PCCA: variants seen among roughly 807,000 people sequenced by gnomAD.
PCCA encodes propionyl-CoA carboxylase subunit alpha.
PCCA carries 74 observed loss-of-function variants against 101.3 expected under a neutral mutation model. The ratio of observed to expected loss-of-function variants is 0.73; its 90% CI spans 0.61 to 0.89. The LOEUF is 0.89. Among genes scored for constraint, PCCA ranks in the 40% least tolerant of loss-of-function variants. PCCA has a pLI of 0.00. For missense variants in PCCA, 891 were observed against 907.0 expected, an observed-to-expected ratio of 0.98 and a Z score of 0.23; for synonymous variants, 294 against 313.6, an observed-to-expected ratio of 0.94 and a Z score of 0.66.
At chr13:100,451,464 G>C (rs546296412) in intron 21 of PCCA, among the ~76,000 whole-genome samples, 18 of 152,280 alleles carry the variant, frequency 1.2e-4, no homozygotes, top group African/African-American at 3.9e-4. Context: ...GGGCCACACA[G>C]AGCTGCATTA....
intron 21 of PCCA, among the ~76,000 whole-genome samples, chr13:100,468,069 T>TGA (rs2082678058): frequency 6.6e-6 from 1 of 152,226 alleles, no homozygotes; most frequent in Non-Finnish European, 1.5e-5. Context: ...CTTGTATATC[T>TGA]CCGTCAGAGC....
chr13:100,422,110 C>CT (rs754037378), intron 19 of PCCA, among the ~76,000 whole-genome samples: 5 of 116,172 alleles, frequency 4.3e-5, no homozygotes, highest in Admixed American at 8.6e-5. Flanking sequence ...TTCTTTCTTT[C>CT]TTTCTTTCTT....
At chr13:100,274,491 C>T (rs982316647) in intron 12 of PCCA, among the ~76,000 whole-genome samples, 2 of 152,248 alleles carry the variant, frequency 1.3e-5, no homozygotes, top group African/African-American at 4.8e-5. Flanking sequence ...AATTTGTTCT[C>T]GTACACTTCA....
chr13:100,170,440 G>A (rs2055519378), intron 6 of PCCA, among the ~76,000 whole-genome samples: 1 of 152,180 alleles, frequency 6.6e-6, no homozygotes, highest in Non-Finnish European at 1.5e-5. Flanking sequence ...ATAATGAAAT[G>A]ATCACTGGGG....
rs2069028958 is a variant in PCCA at position 100,328,600 on chromosome 13, A to G, written c.1430-1961A>G. Among the ~76,000 whole-genome samples, 3 of 149,002 alleles carry G rather than the reference A, an allele frequency of 2.0e-5. No homozygotes were observed. In the South Asian group the frequency reaches 6.3e-4, roughly 31 times the overall value. ...CTTAAGGTAACAGATTTTTTCCTCC[A>G]TATTTTCTACTGTAGTTATGAAAAT... On this transcript the variant is annotated intron_variant, in intron 16 of 23. Transcript: ENST00000376285.
chr13:100,515,169 T>C (rs1006056979), intron 21 of PCCA, among the ~76,000 whole-genome samples: 1 of 152,234 alleles, frequency 6.6e-6, no homozygotes, highest in African/African-American at 2.4e-5. Context: ...GATGTTTTTC[T>C]TAAAGATACA....
At chr13:100,225,238 T>C (rs2060083715) in intron 7 of PCCA, among the ~76,000 whole-genome samples, 1 of 152,204 alleles carries the variant, frequency 6.6e-6, no homozygotes, top group South Asian at 2.1e-4. Flanking sequence ...TGGGATTATG[T>C]GATCTGTTCA....
intron 1 of PCCA, among the ~76,000 whole-genome samples, chr13:100,089,668 G>A (rs1400939057): frequency 6.6e-6 from 1 of 152,216 alleles, no homozygotes; most frequent in East Asian, 1.9e-4. Flanking sequence ...TGCTTAAGTA[G>A]TGTTAGGGTT....
chr13:100,241,718 G>A (rs2061149900), intron 8 of PCCA, among the ~76,000 whole-genome samples: 2 of 152,066 alleles, frequency 1.3e-5, no homozygotes, highest in South Asian at 4.1e-4. Context: ...ACCCACATTG[G>A]CCTCCCAGAG....
chr13:100,102,541 C>T (rs970655395), intron 1 of PCCA, among the ~76,000 whole-genome samples: 41 of 152,166 alleles, frequency 2.7e-4, no homozygotes, highest in Non-Finnish European at 4.6e-4. Flanking sequence ...CCAAGACTCT[C>T]GTTTTGTGTT....
At chr13:100,239,451 CTCCTA>C (rs1030141132) in intron 8 of PCCA, among the ~76,000 whole-genome samples, 3 of 152,186 alleles carry the variant, frequency 2.0e-5, no homozygotes, top group African/African-American at 7.2e-5. Flanking sequence ...AGCAGACAGT[CTCCTA>C]TCCTTGATGA....
intron 9 of PCCA, among the ~76,000 whole-genome samples, chr13:100,258,196 G>A (rs934475971): frequency 1.2e-4 from 18 of 152,064 alleles, no homozygotes; most frequent in Admixed American, 3.3e-4. Flanking sequence ...TATGGAATGC[G>A]CTCTTATTAT....
At chr13:100,156,137 G>A (rs1462066565) in intron 5 of PCCA, among the ~76,000 whole-genome samples, 2 of 152,022 alleles carry the variant, frequency 1.3e-5, no homozygotes, top group African/African-American at 4.8e-5. Context: ...GCGTGATCTT[G>A]GCTCACTGCA....
At chr13:100,306,650 A>C (rs1436172108) in intron 14 of PCCA, among the ~76,000 whole-genome samples, 1 of 138,132 alleles carries the variant, frequency 7.2e-6, no homozygotes. Flanking sequence ...TTGGGGCTTT[A>C]CAAAGCAAAG....
intron 7 of PCCA, among the ~76,000 whole-genome samples, chr13:100,217,552 A>G (rs13378999): frequency 0.068 from 10,362 of 152,188 alleles, 399 homozygotes; most frequent in Non-Finnish European, 0.081. Flanking sequence ...TATCCATGTT[A>G]TAGCATGTAT....
chr13:100,098,286 A>C (rs947571448), intron 1 of PCCA, among the ~76,000 whole-genome samples: 2 of 152,246 alleles, frequency 1.3e-5, no homozygotes, highest in Non-Finnish European at 2.9e-5. Context: ...TTATTTGAAT[A>C]TGTAAATGTA....
At chr13:100,173,975 G>A (rs550167498) in intron 6 of PCCA, among the ~76,000 whole-genome samples, 1 of 152,188 alleles carries the variant, frequency 6.6e-6, no homozygotes, top group African/African-American at 2.4e-5. Context: ...ATGTGGAGCT[G>A]TAAGTCAATT....
At chr13:100,401,565 A>AT (rs576214122) in intron 19 of PCCA, among the ~76,000 whole-genome samples, 27 of 150,156 alleles carry the variant, frequency 1.8e-4, no homozygotes, top group Admixed American at 6.7e-4. Context: ...TGTTTTTTTT[A>AT]TTTTTTTTTA....
At chr13:100,266,421 A>G (rs532617421) in intron 10 of PCCA, among the ~76,000 whole-genome samples, 2 of 152,360 alleles carry the variant, frequency 1.3e-5, no homozygotes, top group East Asian at 3.9e-4. Flanking sequence ...AATAGGCCAC[A>G]CAGATGTTCT....
Sources: allele counts gnomAD v4.1 joint callset (sites outside exome capture counted in the v4.1 genomes callset), GRCh38; gene constraint gnomAD v4.1.1; transcripts MANE v1.5; gene names NCBI Gene and HGNC (gene_info 2026-07-23, HGNC 2026-07-21).